Variants in VEZT observed in about 807,000 individuals in gnomAD.
VEZT encodes vezatin.
VEZT carries 39 observed loss-of-function variants against 79.9 expected under a neutral mutation model. The observed-to-expected ratio is 0.49, with a 90% CI of 0.38 to 0.64. VEZT has a LOEUF of 0.64. Among genes scored for constraint, VEZT ranks in the 30% least tolerant of loss-of-function variants. The pLI, the probability that VEZT is intolerant of heterozygous loss-of-function variation, is 0.00. For synonymous variants in VEZT, 325 were observed against 327.6 expected, an observed-to-expected ratio of 0.99 and a Z score of 0.09; for missense variants, 837 against 893.1, an observed-to-expected ratio of 0.94 and a Z score of 0.80.
intron 4 of VEZT, among the ~76,000 whole-genome samples, chr12:95,265,102 C>A (rs2065282321): frequency 1.3e-5 from 2 of 152,052 alleles, no homozygotes; most frequent in African/African-American, 4.8e-5. Context: ...CTCAAGTGGT[C>A]CTCCCACCTG....
At chr12:95,279,163 G>A (rs973374282) in intron 7 of VEZT, among the ~76,000 whole-genome samples, 2 of 152,098 alleles carry the variant, frequency 1.3e-5, no homozygotes, top group Non-Finnish European at 2.9e-5. Flanking sequence ...TTCAGATTTT[G>A]GAATATTTGC....
intron 7 of VEZT, 139 bp from the exon 8 acceptor site, chr12:95,282,174 A>G: frequency 1.4e-6 from 1 of 727,798 alleles, no homozygotes. Flanking sequence ...ATCTTAAGGT[A>G]GTTTAAGTTC....
Position 95,296,071 on chromosome 12 carries a change from TGATATA to T in VEZT, c.1650_1655del (p.Ile552_Asp553del). 1 of 1,552,850 alleles carries T rather than the reference TGATATA, an allele frequency of 6.4e-7. No individual in the cohort carries two copies. ...TTCAGGAATTAGAAGCTTATGTAGA[TGATATA>T]GATATTGATAGTGATTTCAGAAAGG... On this transcript the variant is annotated inframe_deletion, in exon 11 of 12. Coordinates refer to ENST00000436874, the MANE Select transcript of VEZT (RefSeq NM_017599.4).
chr12:95,249,523 A>T (rs1463773095), intron 1 of VEZT, among the ~76,000 whole-genome samples: 2 of 152,308 alleles, frequency 1.3e-5, no homozygotes, highest in Middle Eastern at 3.4e-3. Flanking sequence ...TACTTTTTTA[A>T]AAAATATTTT....
intron 1 of VEZT, among the ~76,000 whole-genome samples, chr12:95,244,962 G>A (rs1217341539): frequency 3.3e-5 from 5 of 152,102 alleles, no homozygotes; most frequent in South Asian, 2.1e-4. Context: ...GCCAGGCAAG[G>A]TGGCTCATGC....
intron 7 of VEZT, among the ~76,000 whole-genome samples, chr12:95,277,592 G>T (rs1261636119): frequency 6.6e-6 from 1 of 152,138 alleles, no homozygotes; most frequent in Non-Finnish European, 1.5e-5. Context: ...GGAAAATAAA[G>T]ATTTTTTTCA....
At chr12:95,242,705 A>G (rs939260703) in intron 1 of VEZT, among the ~76,000 whole-genome samples, 5 of 152,014 alleles carry the variant, frequency 3.3e-5, no homozygotes, top group African/African-American at 2.4e-5. Context: ...AAAACCCTGT[A>G]TTTGTAAAAA....
chr12:95,251,799 G>T (rs56075446), intron 1 of VEZT, 141 bp from the exon 2 acceptor site: 1 of 615,298 alleles, frequency 1.6e-6, no homozygotes, highest in African/African-American at 1.9e-5. Flanking sequence ...TATTATAACA[G>T]ATAATTCAGT....
At chr12:95,265,431 A>T (rs1020379674) in intron 4 of VEZT, among the ~76,000 whole-genome samples, 12 of 149,596 alleles carry the variant, frequency 8.0e-5, no homozygotes, top group African/African-American at 3.0e-4. Flanking sequence ...AAATGTGTAC[A>T]TATTCTTGAT....
chr12:95,256,461 G>A (rs2063503415), intron 2 of VEZT: 1 of 678,630 alleles, frequency 1.5e-6, no homozygotes, highest in African/African-American at 1.9e-5. Context: ...TACATTGATT[G>A]TAATTCTTTA....
chr12:95,290,490 C>T (rs576864879), intron 9 of VEZT, among the ~76,000 whole-genome samples: 25 of 152,274 alleles, frequency 1.6e-4, no homozygotes, highest in South Asian at 8.3e-4. Flanking sequence ...GCATACAACA[C>T]GATGAATGAA....
chr12:95,262,797 A>G (rs1370970861), intron 3 of VEZT, 109 bp from the exon 4 acceptor site: 11 of 981,706 alleles, frequency 1.1e-5, no homozygotes, highest in East Asian at 8.4e-5. Flanking sequence ...TTCTTGAAGT[A>G]TCTTCTGAAA....
At chr12:95,247,621 C>T (rs1205802272) in intron 1 of VEZT, among the ~76,000 whole-genome samples, 1 of 151,992 alleles carries the variant, frequency 6.6e-6, no homozygotes, top group African/African-American at 2.4e-5. Flanking sequence ...TAAACAAAAG[C>T]TCTTTGGGGC....
intron 1 of VEZT, among the ~76,000 whole-genome samples, chr12:95,237,366 T>C (rs912333474): frequency 2.8e-4 from 42 of 152,336 alleles, no homozygotes; most frequent in African/African-American, 9.9e-4. Flanking sequence ...AATAAATGTT[T>C]AGTACTGCTG....
At chr12:95,239,971 AGAGAGAGAGAG>A (rs2060702125) in intron 1 of VEZT, among the ~76,000 whole-genome samples, 2 of 143,822 alleles carry the variant, frequency 1.4e-5, no homozygotes, top group Non-Finnish European at 3.0e-5. Flanking sequence ...AGAGAGAGAG[AGAGAGAGAGAG>A]GAGAGAGAGA....
intron 1 of VEZT, among the ~76,000 whole-genome samples, chr12:95,234,861 T>C (rs1472544143): frequency 2.0e-5 from 3 of 152,096 alleles, no homozygotes; most frequent in Non-Finnish European, 4.4e-5. Flanking sequence ...TAATGACTCT[T>C]AAGGAGCATG....
chr12:95,253,464 T>C (rs1465877838), intron 2 of VEZT, among the ~76,000 whole-genome samples: 1 of 152,228 alleles, frequency 6.6e-6, no homozygotes, highest in Non-Finnish European at 1.5e-5. Context: ...CCTCCATTTA[T>C]ACCATTTCTT....
rs191607598 is a variant in VEZT at position 95,228,000 on chromosome 12, G to A, written c.36+10114G>A. Among the ~76,000 whole-genome samples, 367 of 152,248 alleles carry A rather than the reference G, an allele frequency of 2.4e-3. 1 individual carries two copies. Among genetic ancestry groups the A allele is most frequent in the African/African-American group, 7.4e-3 (306 of 41,556 alleles). ...AACCTTATCCTCTGTAGGTGAACTC[G>A]TTACTGTTTTTGGTGTTTGTTTAAA... On this transcript the variant is annotated intron_variant, in intron 1 of 11. Transcript: ENST00000436874.
intron 11 of VEZT, chr12:95,299,621 A>T (rs2074908619): frequency 6.6e-6 from 1 of 152,144 alleles, no homozygotes; most frequent in African/African-American, 2.4e-5. Context: ...GTAAATATAT[A>T]TGTATACATA....
Sources: allele counts gnomAD v4.1 joint callset (sites outside exome capture counted in the v4.1 genomes callset), GRCh38; gene constraint gnomAD v4.1.1; transcripts MANE v1.5; gene names NCBI Gene and HGNC (gene_info 2026-07-23, HGNC 2026-07-21).